SMAD3: variants seen among roughly 807,000 people sequenced by gnomAD.
SMAD3 encodes MAD homolog 3.
In SMAD3, 12 loss-of-function variants were observed where a neutral mutation model predicts 51.8. The observed-to-expected ratio is 0.23, with a 90% CI of 0.15 to 0.38. The LOEUF (loss-of-function observed/expected upper bound fraction) is 0.38. Ranked by LOEUF, SMAD3 falls within the 10% of genes least tolerant of loss-of-function variation. The pLI is 1.00. For missense variants in SMAD3, 294 were observed against 565.6 expected (o/e 0.52, Z 4.87); for synonymous variants, 238 against 227.7 (o/e 1.05, Z -0.41).
In SMAD3 at chr15:67,165,542, C is replaced by A. The variant is rs140143645; in HGVS notation, c.532+158C>A. ...GAGGGCCCCTGACTCAGAACCGCATCCCTGTTGGGAGAGGACCCATGACCT... is the reference window on the plus strand; with the variant it reads ...GAGGGCCCCTGACTCAGAACCGCATACCTGTTGGGAGAGGACCCATGACCT... On this transcript the variant is annotated intron_variant, in intron 3 of 8. Coordinates refer to ENST00000327367, the MANE Select transcript of SMAD3 (RefSeq NM_005902.4). Among the ~76,000 whole-genome samples, 2,748 of 152,354 alleles carry A rather than the reference C, an allele frequency of 0.018. 34 individuals carry two copies. Among genetic ancestry groups the A allele is most frequent in the Non-Finnish European group, 0.029 (1,977 of 68,030 alleles).
At chr15:67,170,768 C>G (rs118128985) in intron 5 of SMAD3, 164 bp downstream of exon 5, 1 of 616,636 alleles carries the variant, frequency 1.6e-6, no homozygotes, top group African/African-American at 1.8e-5. Flanking sequence ...GAGGTCACCA[C>G]GGAATGGGGA....
chr15:67,160,547 C>T (rs561730434), intron 1 of SMAD3, among the ~76,000 whole-genome samples: 15 of 152,062 alleles, frequency 9.9e-5, no homozygotes, highest in Non-Finnish European at 1.9e-4. Context: ...CCGAGGCAGG[C>T]GGATCACGAG....
chr15:67,115,902 T>C (rs1595908117), intron 1 of SMAD3, among the ~76,000 whole-genome samples: 1 of 152,126 alleles, frequency 6.6e-6, no homozygotes, highest in African/African-American at 2.4e-5. Context: ...GGAAAAGACA[T>C]AGGAGCCAAG....
chr15:67,086,136 C>T (rs910233525), intron 1 of SMAD3, among the ~76,000 whole-genome samples: 2 of 152,010 alleles, frequency 1.3e-5, no homozygotes, highest in Non-Finnish European at 2.9e-5. Flanking sequence ...TTAAACAGGC[C>T]CTTACAAATG....
intron 1 of SMAD3, among the ~76,000 whole-genome samples, chr15:67,077,445 A>G (rs1356703063): frequency 1.3e-5 from 2 of 152,198 alleles, no homozygotes; most frequent in Non-Finnish European, 2.9e-5. Context: ...CTCATTCAAA[A>G]AGTGGAGCAG....
intron 1 of SMAD3, among the ~76,000 whole-genome samples, chr15:67,077,408 G>A (rs1238726812): frequency 6.6e-6 from 1 of 152,190 alleles, no homozygotes; most frequent in African/African-American, 2.4e-5. Flanking sequence ...ATGCAGATGA[G>A]GGAGAAGGTG....
chr15:67,071,812 AAAAT>A (rs1168413721), intron 1 of SMAD3, among the ~76,000 whole-genome samples: 3 of 152,190 alleles, frequency 2.0e-5, no homozygotes, highest in East Asian at 1.9e-4. Context: ...ACTCTGTCTC[AAAAT>A]AAATAAATAA....
Position 67,160,757 on chromosome 15 carries a change from C to G in SMAD3, c.207-4138C>G, listed in dbSNP as rs557511571. Among the ~76,000 whole-genome samples the G allele has an allele frequency of 5.0e-4, 57 of 113,838 alleles. 1 individual carries two copies. Among genetic ancestry groups the G allele is most frequent in the African/African-American group, 2.0e-3 (57 of 28,380 alleles). 74.7% of individuals were successfully genotyped at this position (113,838 alleles called of 152,430 possible). A position where few individuals can be genotyped will look rare whatever the true frequency, so the allele number is the denominator to read the frequency against. ...CTGCACTCCAGCCTGGGCGACAGAG[C>G]GAGACTCCATCTCAAAAAAAAAAAA... On this transcript the variant is annotated intron_variant, in intron 1 of 8. Transcript: ENST00000327367.
At chr15:67,118,657 C>G (rs899730353) in intron 1 of SMAD3, among the ~76,000 whole-genome samples, 1 of 152,192 alleles carries the variant, frequency 6.6e-6, no homozygotes, top group Non-Finnish European at 1.5e-5. Context: ...TTTAAAATAG[C>G]TAGGTAAGGC....
chr15:67,115,960 G>GGACTTCTGTAGAGA (rs151090251), intron 1 of SMAD3, among the ~76,000 whole-genome samples: 5,694 of 152,180 alleles, frequency 0.037, 144 homozygotes, highest in Non-Finnish European at 0.056. Context: ...TCTCATCTCT[G>GGACTTCTGTAGAGA]GACTTCTGTA....
chr15:67,174,705 A>C (rs1279946325), intron 5 of SMAD3: 3 of 152,266 alleles, frequency 2.0e-5, no homozygotes, highest in African/African-American at 7.2e-5. Context: ...GATGGAGGCA[A>C]GCACACAGGG....
intron 1 of SMAD3, among the ~76,000 whole-genome samples, chr15:67,145,609 A>G (rs1961954779): frequency 6.6e-6 from 1 of 152,272 alleles, no homozygotes; most frequent in South Asian, 2.1e-4. Flanking sequence ...TGGTTCGTGA[A>G]TGAAAGGTTA....
rs1959896824 is a variant in SMAD3 at position 67,065,786 on chromosome 15, C to T, written c.-369C>T. On this transcript the variant is annotated 5_prime_UTR_variant, in exon 1 of 9. Transcript: ENST00000327367. ...GAAGTTTGGCCGGGGGTTGGACTTT[C>T]CTTCCCGGAGGCGGCACCCAAACAG... The T allele has an allele frequency of 9.8e-6, 2 of 203,318 alleles. No homozygotes were observed. Among genetic ancestry groups the T allele is most frequent in the African/African-American group, 2.3e-5 (1 of 43,706 alleles). 12.6% of individuals were successfully genotyped at this position (203,318 alleles called of 1,614,324 possible).
In SMAD3 at chr15:67,119,238, C is replaced by T. The variant is rs574416184; in HGVS notation, c.207-45657C>T. ...CAGCAAGAGGAAAGGAGCAGCAGTG[C>T]TAGATGTTGCAGAGAACCCAGAATG... On this transcript the variant is annotated intron_variant, in intron 1 of 8. Coordinates refer to ENST00000327367, the MANE Select transcript of SMAD3 (RefSeq NM_005902.4). Among the ~76,000 whole-genome samples, 220 of 152,288 alleles carry T rather than the reference C, an allele frequency of 1.4e-3. 1 individual carries two copies. Among genetic ancestry groups the T allele is most frequent in the Admixed American group, 2.4e-3 (36 of 15,306 alleles).
At chr15:67,097,666 G>A (rs1262344568) in intron 1 of SMAD3, among the ~76,000 whole-genome samples, 4 of 152,162 alleles carry the variant, frequency 2.6e-5, no homozygotes, top group East Asian at 1.9e-4. Context: ...GGTCATGAGC[G>A]TGAAATGAGA....
At chr15:67,068,387 G>A (rs923955912) in intron 1 of SMAD3, among the ~76,000 whole-genome samples, 1 of 152,208 alleles carries the variant, frequency 6.6e-6, no homozygotes, top group Non-Finnish European at 1.5e-5. Flanking sequence ...TTTAATCTTT[G>A]GGCTGGTGAT....
intron 1 of SMAD3, among the ~76,000 whole-genome samples, chr15:67,151,802 AT>A (rs1335606273): frequency 2.6e-5 from 4 of 152,146 alleles, no homozygotes; most frequent in Non-Finnish European, 5.9e-5. Context: ...CCTGTCAAGC[AT>A]TTATCATTTC....
chr15:67,103,812 C>T (rs1018322968), intron 1 of SMAD3, among the ~76,000 whole-genome samples: 3 of 152,172 alleles, frequency 2.0e-5, no homozygotes, highest in Non-Finnish European at 2.9e-5. Flanking sequence ...TTGACATTAC[C>T]GTGAGTGACC....
intron 1 of SMAD3, among the ~76,000 whole-genome samples, chr15:67,081,411 C>T (rs1353506523): frequency 2.6e-5 from 4 of 152,168 alleles, no homozygotes; most frequent in African/African-American, 9.7e-5. Context: ...TCCTTCATGC[C>T]TGTGTGCCGC....
Sources: allele counts gnomAD v4.1 joint callset (sites outside exome capture counted in the v4.1 genomes callset), GRCh38; gene constraint gnomAD v4.1.1; transcripts MANE v1.5; gene names NCBI Gene and HGNC (gene_info 2026-07-23, HGNC 2026-07-21).